SESTD1: variants seen among roughly 807,000 people sequenced by gnomAD.
SESTD1 encodes the protein SEC14 domain and spectrin repeat-containing protein 1.
In SESTD1, 43 loss-of-function variants were observed where a neutral mutation model predicts 101.7. The ratio of observed to expected loss-of-function variants is 0.42; its 90% CI spans 0.33 to 0.55. The LOEUF (loss-of-function observed/expected upper bound fraction) is 0.55, where lower values mean the gene tolerates loss of function less well. Among genes scored for constraint, SESTD1 ranks in the 20% least tolerant of loss-of-function variants. SESTD1 has a pLI of 0.07. For missense variants in SESTD1, 647 were observed against 815.1 expected, an observed-to-expected ratio of 0.79 and a Z score of 2.51; for synonymous variants, 283 against 286.8, an observed-to-expected ratio of 0.99 and a Z score of 0.13.
intron 1 of SESTD1, among the ~76,000 whole-genome samples, chr2:179,192,078 T>G (rs1403915683): frequency 1.3e-5 from 2 of 152,042 alleles, no homozygotes; most frequent in Non-Finnish European, 1.5e-5. Flanking sequence ...CAATACCACC[T>G]CCCTTTCCCA....
chr2:179,112,250 CCTTA>C (rs1414175558), intron 17 of SESTD1, among the ~76,000 whole-genome samples: 5 of 152,224 alleles, frequency 3.3e-5, no homozygotes, highest in African/African-American at 1.2e-4. Context: ...ATCCTGAGAG[CCTTA>C]CTTAATCTCT....
In SESTD1 at chr2:179,214,231, G is replaced by A. The variant is rs1309399688; in HGVS notation, c.-25-22365C>T. Among the ~76,000 whole-genome samples the A allele has an allele frequency of 7.4e-5, 10 of 134,324 alleles. 1 individual carries two copies. Among genetic ancestry groups the A allele is most frequent in the African/African-American group, 3.0e-4 (10 of 33,876 alleles). The allele number at this position is 134,324 out of a possible 152,430, so 88.1% of individuals were successfully genotyped here. A position where few individuals can be genotyped will look rare whatever the true frequency, so the allele number is the denominator to read the frequency against. ...ACCCATCAGTGTGCTGTATTCAGGA[G>A]ACCCATCTCACATGTAGAGGCACAC... On this transcript the variant is annotated intron_variant, in intron 1 of 17. Coordinates refer to ENST00000428443, the MANE Select transcript of SESTD1 (RefSeq NM_178123.5).
chr2:179,163,075 C>T (rs2045770012), intron 5 of SESTD1, among the ~76,000 whole-genome samples: 1 of 151,874 alleles, frequency 6.6e-6, no homozygotes, highest in Non-Finnish European at 1.5e-5. Flanking sequence ...GAGACAACCT[C>T]AAAGTTTATA....
intron 1 of SESTD1, among the ~76,000 whole-genome samples, chr2:179,199,074 A>G (rs1442528294): frequency 6.6e-6 from 1 of 152,120 alleles, no homozygotes; most frequent in Non-Finnish European, 1.5e-5. Flanking sequence ...CTAATAAAGA[A>G]AAAAGAGAGA....
intron 1 of SESTD1, among the ~76,000 whole-genome samples, chr2:179,239,549 T>C (rs2105545633): frequency 6.6e-6 from 1 of 152,254 alleles, no homozygotes; most frequent in African/African-American, 2.4e-5. Flanking sequence ...TGTGGGGAGC[T>C]TTTAAAAAAT....
chr2:179,142,489 G>A (rs542728622), intron 9 of SESTD1, among the ~76,000 whole-genome samples: 41 of 152,244 alleles, frequency 2.7e-4, no homozygotes, highest in East Asian at 9.6e-4. Flanking sequence ...GTGAAGTATC[G>A]TGAATGGTCA....
At chr2:179,194,026 G>T (rs1413910006) in intron 1 of SESTD1, among the ~76,000 whole-genome samples, 1 of 152,120 alleles carries the variant, frequency 6.6e-6, no homozygotes, top group Non-Finnish European at 1.5e-5. Context: ...GAATGTGCAT[G>T]ACTATATTCT....
At chr2:179,117,662 T>C (rs1161386091) in intron 13 of SESTD1, 49 bp from the exon 14 acceptor site, 8 of 1,439,010 alleles carry the variant, frequency 5.6e-6, no homozygotes, top group Non-Finnish European at 7.5e-6. Context: ...TTTTATTGAT[T>C]ACTATTGTAA....
intron 5 of SESTD1, among the ~76,000 whole-genome samples, chr2:179,156,916 T>C (rs1414732430): frequency 6.6e-6 from 1 of 152,092 alleles, no homozygotes; most frequent in Non-Finnish European, 1.5e-5. Flanking sequence ...TCTAAAAGGG[T>C]TTTTCCAATG....
At chr2:179,139,113 T>G (rs1280565808) in intron 9 of SESTD1, among the ~76,000 whole-genome samples, 1 of 152,200 alleles carries the variant, frequency 6.6e-6, no homozygotes, top group Non-Finnish European at 1.5e-5. Flanking sequence ...TTCTATTCTC[T>G]AAAACAAATA....
chr2:179,215,228 T>A (rs758552680), intron 1 of SESTD1, among the ~76,000 whole-genome samples: 2 of 134,030 alleles, frequency 1.5e-5, no homozygotes, highest in East Asian at 4.0e-4. Flanking sequence ...ATCAACAAAA[T>A]TGATAGACCA....
chr2:179,181,991 T>TAAAAAA (rs35017699), intron 3 of SESTD1, among the ~76,000 whole-genome samples: 1 of 139,624 alleles, frequency 7.2e-6, no homozygotes. Context: ...TCCACAATAT[T>TAAAAAA]AAAAAAAAAA....
intron 12 of SESTD1, among the ~76,000 whole-genome samples, chr2:179,123,242 T>C (rs530714961): frequency 8.3e-4 from 127 of 152,242 alleles, no homozygotes; most frequent in African/African-American, 2.8e-3. Flanking sequence ...CCCCACTCCT[T>C]GGAGAATGGG....
chr2:179,204,198 C>G (rs1371118317), intron 1 of SESTD1, among the ~76,000 whole-genome samples: 1 of 134,836 alleles, frequency 7.4e-6, no homozygotes, highest in Non-Finnish European at 1.6e-5. Flanking sequence ...TTTTAATTAT[C>G]AGACCAAGAG....
chr2:179,118,826 G>A (rs1011813666), intron 13 of SESTD1, among the ~76,000 whole-genome samples: 1 of 152,150 alleles, frequency 6.6e-6, no homozygotes, highest in African/African-American at 2.4e-5. Context: ...CTATTATAAA[G>A]CTATTTAAAA....
intron 16 of SESTD1, among the ~76,000 whole-genome samples, chr2:179,113,610 G>A (rs1204315356): frequency 6.6e-6 from 1 of 151,928 alleles, no homozygotes. Context: ...CTCATGAACG[G>A]ACATTTTTGT....
rs552621366 is a variant in SESTD1 at position 179,193,585 on chromosome 2, T to C, written c.-25-1719A>G. 6.6e-5 allele frequency among the ~76,000 whole-genome samples: 10 copies of C among 152,348 alleles called. No individual in the cohort carries two copies. In the South Asian group the frequency reaches 1.9e-3, roughly 28 times the overall value. ...GTGATAATAATTATTATAATTAACA[T>C]TGACTAAGTGTTTATTATAAACTAT... On this transcript the variant is annotated intron_variant, in intron 1 of 17. Coordinates refer to ENST00000428443, the MANE Select transcript of SESTD1 (RefSeq NM_178123.5).
intron 13 of SESTD1, among the ~76,000 whole-genome samples, chr2:179,118,129 C>G (rs2044673604): frequency 6.6e-6 from 1 of 152,018 alleles, no homozygotes; most frequent in African/African-American, 2.4e-5. Context: ...CATCACTATG[C>G]CCAGCTAAAG....
rs778678557 is a variant in SESTD1 at position 179,121,824 on chromosome 2, T to G, written c.1388A>C (p.Glu463Ala). The G allele has an allele frequency of 6.2e-7, 1 of 1,609,552 alleles. No homozygotes were observed. Residue 463 changes from glutamate (E) to alanine (A), a missense_variant, in exon 13 of 18, where the codon GAA (glutamate) becomes GCA (alanine). Physicochemically the swap from Glu to Ala is moderately radical, Grantham distance 107. Around this residue, in one of 3 missense-constraint regions of SESTD1, gnomAD observed 476 missense variants for 562.6 expected, o/e 0.85. Transcript: ENST00000428443. The stretch of plus-strand genomic sequence containing the variant: ...CACTCCTTGTATGTGGTCCACATTT[T>G]CTTTATTTTCAATGGTTACATCCTT... ...YGKDVTIENK[E>A]NVDHIQGVME...
Sources: allele counts gnomAD v4.1 joint callset (sites outside exome capture counted in the v4.1 genomes callset), GRCh38; gene constraint gnomAD v4.1.1; regional missense constraint gnomAD v4.1.1; transcripts MANE v1.5; gene names NCBI Gene and HGNC (gene_info 2026-07-23, HGNC 2026-07-21).